Variants in ZNF875 observed in about 807,000 individuals in gnomAD.
ZNF875 encodes the protein HKR1, GLI-Kruppel zinc finger family member.
In ZNF875, 14 loss-of-function variants were observed where a neutral mutation model predicts 11.2. The ratio of observed to expected loss-of-function variants is 1.26; its 90% CI spans 0.83 to 1.96. The LOEUF is 1.96. Ranked by LOEUF, ZNF875 falls within the 30% of genes most tolerant of loss-of-function variation. ZNF875 has a pLI of 0.00. For synonymous variants in ZNF875, 301 were observed against 281.1 expected (o/e 1.07, Z -0.71); for missense variants, 752 against 760.4 (o/e 0.99, Z 0.13).
intron 2 of ZNF875, among the ~76,000 whole-genome samples, chr19:37,342,482 G>T (rs1176905361): frequency 6.7e-6 from 1 of 148,802 alleles, no homozygotes. Flanking sequence ...GAGCGATATC[G>T]GCTCACTGCA....
chr19:37,314,750 C>CAAAAAA (rs767009285), upstream of ZNF875: 2 of 85,946 alleles, frequency 2.3e-5, no homozygotes, highest in Non-Finnish European at 5.3e-5. Context: ...GACTCTGTCT[C>CAAAAAA]AAAAAAAAAA....
chr19:37,318,595 C>T (rs1254038613), intron 1 of ZNF875, among the ~76,000 whole-genome samples: 1 of 150,690 alleles, frequency 6.6e-6, no homozygotes, highest in East Asian at 2.0e-4. Context: ...GATCTCGAGT[C>T]ACTGCAAGCT....
chr19:37,360,726 C>T (rs2039755041), intron 4 of ZNF875, among the ~76,000 whole-genome samples: 1 of 152,046 alleles, frequency 6.6e-6, no homozygotes, highest in African/African-American at 2.4e-5. Context: ...TAACTTCTGG[C>T]CTCAAGCAAT....
chr19:37,334,289 C>T (rs2145878327), upstream of ZNF875, among the ~76,000 whole-genome samples: 3 of 152,306 alleles, frequency 2.0e-5, no homozygotes, highest in Middle Eastern at 6.8e-3. Context: ...CAGGGAAGGG[C>T]GCATCAGGGC....
intron 4 of ZNF875, chr19:37,325,157 A>T (rs1263927457): frequency 6.6e-6 from 1 of 152,182 alleles, no homozygotes; most frequent in Non-Finnish European, 1.5e-5. Flanking sequence ...TATAAAGCTG[A>T]ATAGTTCTGT....
At position 37,347,183 on chromosome 19, in the gene ZNF875, G is replaced by A; in HGVS notation, c.34-7G>A. 1 of 1,613,924 alleles carries A rather than the reference G, an allele frequency of 6.2e-7. No individual in the cohort carries two copies. Among genetic ancestry groups the A allele is most frequent in the Non-Finnish European group, 8.5e-7 (1 of 1,179,900 alleles). ...CTGGGTGAGCAGAGGTGTGTTTTGT[G>A]TTAAAGGCGTTCGTGGCATTCAGGG... is the stretch of plus-strand genomic sequence containing the variant. On this transcript the variant is annotated splice_polypyrimidine_tract_variant and splice_region_variant and intron_variant, in intron 2 of 4. Coordinates refer to ENST00000392153, the MANE Select transcript of ZNF875 (RefSeq NM_001353803.2).
chr19:37,314,875 T>C (rs1291447421), upstream of ZNF875: 1 of 152,156 alleles, frequency 6.6e-6, no homozygotes, highest in African/African-American at 2.4e-5. Flanking sequence ...CTATTTTTTT[T>C]TGAAGTTTTA....
At position 37,363,952 on chromosome 19, in the gene ZNF875, A is replaced by G; in HGVS notation, c.*177A>G. ...ACTGGTAAGACTTGTATCTCCATCCACCTGAAGGAGAATTGCTGGCTCATT... is the reference window on the plus strand; with the variant it reads ...ACTGGTAAGACTTGTATCTCCATCCGCCTGAAGGAGAATTGCTGGCTCATT... On this transcript the variant is annotated 3_prime_UTR_variant, in exon 5 of 5. Coordinates refer to ENST00000392153, the MANE Select transcript of ZNF875 (RefSeq NM_001353803.2). The G allele has an allele frequency of 1.7e-6, 1 of 590,432 alleles. No individual in the cohort carries two copies. The highest frequency in any genetic ancestry group is 3.0e-6 in the Non-Finnish European group (1 of 331,166). The allele number at this position is 590,432 out of a possible 1,614,324, so 36.6% of individuals were successfully genotyped here. A position where few individuals can be genotyped will look rare whatever the true frequency, so the allele number is the denominator to read the frequency against.
At chr19:37,315,954 G>A (rs192622697), upstream of ZNF875, among the ~76,000 whole-genome samples, 7 of 152,270 alleles carry the variant, frequency 4.6e-5, no homozygotes, top group East Asian at 1.4e-3. Context: ...TAGGATCTGA[G>A]AAGACCAAGG....
intron 2 of ZNF875, among the ~76,000 whole-genome samples, chr19:37,344,443 C>G (rs1044424347): frequency 6.6e-6 from 1 of 152,186 alleles, no homozygotes; most frequent in African/African-American, 2.4e-5. Flanking sequence ...GCACTAAGCC[C>G]TGCTGCCTCT....
Position 37,362,320 on chromosome 19 carries a change from AGAGG to A in ZNF875, c.472_475del (p.Gly158LysfsTer10). On this transcript the variant is annotated frameshift_variant, in exon 5 of 5. Coordinates refer to ENST00000392153, the MANE Select transcript of ZNF875 (RefSeq NM_001353803.2). LOFTEE classifies it low-confidence loss of function (END_TRUNC). ...TTAGTGGCAAAGCAGAATGGATTCAAGAGGGAGAAGACTCCAGACTCCTGTTTGG... is the reference window on the plus strand; with the variant it reads ...TTAGTGGCAAAGCAGAATGGATTCAAGAGAAGACTCCAGACTCCTGTTTGG... The A allele has an allele frequency of 6.2e-7, 1 of 1,614,180 alleles. No individual in the cohort carries two copies. The highest frequency in any genetic ancestry group is 8.5e-7 in the Non-Finnish European group (1 of 1,180,014).
At position 37,334,691 on chromosome 19, in the gene ZNF875, C is replaced by T. The variant is rs1213520439; in HGVS notation, c.-148C>T. 4.4e-6 allele frequency: 2 copies of T among 455,886 alleles called. No individual in the cohort carries two copies. The highest frequency in any genetic ancestry group is 2.0e-5 in the African/African-American group (1 of 50,050). The allele number at this position is 455,886 out of a possible 1,614,324, so 28.2% of individuals were successfully genotyped here. A position where few individuals can be genotyped will look rare whatever the true frequency, so the allele number is the denominator to read the frequency against. On this transcript the variant is annotated 5_prime_UTR_variant, in exon 1 of 5. Coordinates refer to ENST00000392153, the MANE Select transcript of ZNF875 (RefSeq NM_001353803.2). The stretch of plus-strand genomic sequence containing the variant: ...CAGGCGCGTTAAGCTGGTTGGGACC[C>T]GGGAAGGCCTCCCTCTTAAGGTCTT...
chr19:37,317,336 G>T (rs2030299312), upstream of ZNF875, among the ~76,000 whole-genome samples: 1 of 151,970 alleles, frequency 6.6e-6, no homozygotes, highest in Non-Finnish European at 1.5e-5. Flanking sequence ...ACAGGCGCCC[G>T]CCACCACGCC....
chr19:37,362,251 A>G lies in ZNF875; in HGVS notation c.399A>G (p.Lys133=), dbSNP rs1157374527. 1.2e-6 allele frequency: 2 copies of G among 1,614,150 alleles called. No individual in the cohort carries two copies. The highest frequency in any genetic ancestry group is 8.5e-7 in the Non-Finnish European group (1 of 1,180,020). ...LWAGNPLHLG[K]HYPEDQKQQQ... The stretch of plus-strand genomic sequence containing the variant: ...CAGGAAATCCTCTCCACCTGGGAAA[A>G]CACTATCCAGAAGATCAGAAACAAC... The change falls in exon 5 of 5, where the codon AAA becomes AAG. Residue 133 remains lysine, a synonymous_variant. Coordinates refer to ENST00000392153, the MANE Select transcript of ZNF875 (RefSeq NM_001353803.2).
chr19:37,321,791 A>T (rs193001814), intron 1 of ZNF875, among the ~76,000 whole-genome samples: 1 of 152,150 alleles, frequency 6.6e-6, no homozygotes, highest in African/African-American at 2.4e-5. Context: ...GATCGGGGAG[A>T]GAGGACATCG....
At chr19:37,335,901 C>T (rs1224095402) in intron 2 of ZNF875, among the ~76,000 whole-genome samples, 1 of 152,164 alleles carries the variant, frequency 6.6e-6, no homozygotes, top group African/African-American at 2.4e-5. Flanking sequence ...TGAATTTTAC[C>T]TTTGAGTTCA....
Position 37,335,107 on chromosome 19 carries a change from G to C in ZNF875, c.-56-62G>C, listed in dbSNP as rs1216171008. 68 of 662,410 alleles carry C rather than the reference G, an allele frequency of 1.0e-4. No individual in the cohort carries two copies. The East Asian group carries it at 1.8e-3, about 18-fold the overall frequency. The allele number at this position is 662,410 out of a possible 1,614,324, so 41.0% of individuals were successfully genotyped here. A position where few individuals can be genotyped will look rare whatever the true frequency, so the allele number is the denominator to read the frequency against. The stretch of plus-strand genomic sequence containing the variant: ...ACTGTGGGGCTCTGGAGCGGACTGC[G>C]CTTCACTTCGTGGGGAGGGTGTTTC... On this transcript the variant is annotated intron_variant, in intron 1 of 4. Coordinates refer to ENST00000392153, the MANE Select transcript of ZNF875 (RefSeq NM_001353803.2).
chr19:37,334,798 G>A lies in ZNF875; in HGVS notation c.-57+16G>A, dbSNP rs2033962141. The A allele has an allele frequency of 2.2e-6, 1 of 457,042 alleles. No homozygotes were observed. Among genetic ancestry groups the A allele is most frequent in the Non-Finnish European group, 4.4e-6 (1 of 227,556 alleles). 28.3% of individuals were successfully genotyped at this position (457,042 alleles called of 1,614,324 possible). A position where few individuals can be genotyped will look rare whatever the true frequency, so the allele number is the denominator to read the frequency against. On this transcript the variant is annotated intron_variant, in intron 1 of 4. Coordinates refer to ENST00000392153, the MANE Select transcript of ZNF875 (RefSeq NM_001353803.2). ...CCCGCGTTCCGTGAGTGCCCTATAG[G>A]CAGTCAGCATGCCCCTCTGCGTGTC...
intron 3 of ZNF875, 174 bp from the exon 4 acceptor site, chr19:37,347,603 G>C (rs1188876624): frequency 1.6e-6 from 1 of 613,572 alleles, no homozygotes; most frequent in African/African-American, 1.9e-5. Flanking sequence ...TTCATAATAT[G>C]CCATCTTTCT....
Sources: allele counts gnomAD v4.1 joint callset (sites outside exome capture counted in the v4.1 genomes callset), GRCh38; gene constraint gnomAD v4.1.1; transcripts MANE v1.5; gene names NCBI Gene and HGNC (gene_info 2026-07-23, HGNC 2026-07-21).